Variants in AKT3 observed in about 807,000 individuals in gnomAD.
AKT3 encodes RAC-gamma serine/threonine-protein kinase.
AKT3 carries 15 observed loss-of-function variants against 65.3 expected under a neutral mutation model. The observed-to-expected ratio is 0.23, with a 90% CI of 0.15 to 0.35. The LOEUF (loss-of-function observed/expected upper bound fraction) is 0.35, where lower values mean the gene tolerates loss of function less well. AKT3 is among the 10% of genes least tolerant of loss of function. The pLI is 1.00. For synonymous variants in AKT3, 206 were observed against 183.8 expected (o/e 1.12, Z -0.98); for missense variants, 243 against 576.5 (o/e 0.42, Z 5.92).
chr1:243,613,098 C>CAT (rs1233182399), intron 8 of AKT3: 9 of 141,848 alleles, frequency 6.3e-5, no homozygotes, highest in African/African-American at 1.6e-4. Context: ...CACACACACA[C>CAT]ACATATATAC....
chr1:243,699,514 A>ATAT (rs1685304874), intron 2 of AKT3, among the ~76,000 whole-genome samples: 1 of 96,716 alleles, frequency 1.0e-5, no homozygotes, highest in African/African-American at 5.5e-5. Context: ...TATATATATA[A>ATAT]TCTTCATGGG....
intron 2 of AKT3, among the ~76,000 whole-genome samples, chr1:243,757,083 A>C (rs1689182805): frequency 6.6e-6 from 1 of 152,250 alleles, no homozygotes; most frequent in East Asian, 1.9e-4. Context: ...GAAGAGAGTA[A>C]AGAGCCCTGA....
chr1:243,735,591 G>A (rs1036361420), intron 2 of AKT3: 1 of 152,146 alleles, frequency 6.6e-6, no homozygotes, highest in African/African-American at 2.4e-5. Flanking sequence ...TTTTATTAGA[G>A]ACTACTGTAA....
intron 2 of AKT3, among the ~76,000 whole-genome samples, chr1:243,767,741 T>C (rs1022837240): frequency 5.9e-5 from 9 of 152,136 alleles, no homozygotes; most frequent in Non-Finnish European, 1.0e-4. Flanking sequence ...AGATTGGTCA[T>C]GAGTTGAAAA....
chr1:243,560,905 T>C (rs989009820), intron 10 of AKT3, among the ~76,000 whole-genome samples: 2 of 152,124 alleles, frequency 1.3e-5, no homozygotes, highest in African/African-American at 4.8e-5. Context: ...AAATATGGCA[T>C]ATCTTCTTCC....
Position 243,627,365 on chromosome 1 carries a change from G to T in AKT3, c.561+10246C>A, listed in dbSNP as rs116845838. 1.3e-4 allele frequency among the ~76,000 whole-genome samples: 19 copies of T among 151,552 alleles called. No individual in the cohort carries two copies. The East Asian group carries it at 2.9e-3, about 23-fold the overall frequency. On this transcript the variant is annotated intron_variant, in intron 6 of 13. Coordinates refer to ENST00000673466, the MANE Select transcript of AKT3 (RefSeq NM_005465.7). Reference sequence around the variant, plus strand: ...AAAAAGAGAGAGAGACATACTGATTGATCTTGAAAATACTTTTTTCTTGGT... The same window carrying T: ...AAAAAGAGAGAGAGACATACTGATTTATCTTGAAAATACTTTTTTCTTGGT...
chr1:243,609,343 T>C (rs1677690971), intron 8 of AKT3, among the ~76,000 whole-genome samples: 1 of 151,480 alleles, frequency 6.6e-6, no homozygotes, highest in East Asian at 1.9e-4. Context: ...TCTGTGTGTG[T>C]GTGTGTGTGT....
intron 2 of AKT3, among the ~76,000 whole-genome samples, chr1:243,826,522 A>G (rs1694178675): frequency 6.6e-6 from 1 of 152,190 alleles, no homozygotes; most frequent in South Asian, 2.1e-4. Flanking sequence ...TTGCATTCCT[A>G]ATATAAGGGA....
intron 8 of AKT3, among the ~76,000 whole-genome samples, chr1:243,604,762 G>A (rs2148583089): frequency 6.6e-6 from 1 of 152,154 alleles, no homozygotes; most frequent in Admixed American, 6.5e-5. Flanking sequence ...TATCTCCCCA[G>A]TAAGTCACTC....
chr1:243,577,572 A>G (rs1367891991), intron 8 of AKT3, among the ~76,000 whole-genome samples: 1 of 152,114 alleles, frequency 6.6e-6, no homozygotes, highest in Non-Finnish European at 1.5e-5. Context: ...CAAATGTAAA[A>G]CCCCAAACTA....
intron 2 of AKT3, among the ~76,000 whole-genome samples, chr1:243,832,814 T>G (rs953191449): frequency 1.3e-5 from 2 of 152,176 alleles, no homozygotes; most frequent in African/African-American, 4.8e-5. Context: ...TTGAAACATG[T>G]TAAGTATTAG....
intron 6 of AKT3, among the ~76,000 whole-genome samples, chr1:243,634,976 CTATTAAATA>C (rs1191705834): frequency 4.0e-5 from 6 of 151,854 alleles, no homozygotes; most frequent in African/African-American, 1.4e-4. Context: ...ACAAAATGCT[CTATTAAATA>C]TACACAAAAT....
chr1:243,732,623 GAACA>G (rs1441749125), intron 2 of AKT3, among the ~76,000 whole-genome samples: 1 of 152,064 alleles, frequency 6.6e-6, no homozygotes, highest in East Asian at 1.9e-4. Context: ...AAATACCAAT[GAACA>G]AACAACCAGC....
chr1:243,727,675 G>C (rs115540036), intron 2 of AKT3, among the ~76,000 whole-genome samples: 2,334 of 152,114 alleles, frequency 0.015, 36 homozygotes, highest in Non-Finnish European at 0.02. Flanking sequence ...ACAATAACTT[G>C]AGGTATTTAG....
chr1:243,611,045 T>C (rs879489474), intron 8 of AKT3, among the ~76,000 whole-genome samples: 9 of 152,242 alleles, frequency 5.9e-5, no homozygotes, highest in East Asian at 3.8e-4. Flanking sequence ...TTCTTAGAAA[T>C]GAAATTGCTG....
intron 3 of AKT3, among the ~76,000 whole-genome samples, chr1:243,671,162 C>A (rs1252324889): frequency 6.6e-6 from 1 of 151,158 alleles, no homozygotes; most frequent in Non-Finnish European, 1.5e-5. Context: ...CATGCAAGCT[C>A]CACCTCCCGG....
At chr1:243,815,289 A>C (rs1289007691) in intron 2 of AKT3, among the ~76,000 whole-genome samples, 1 of 152,162 alleles carries the variant, frequency 6.6e-6, no homozygotes, top group Non-Finnish European at 1.5e-5. Context: ...CCTTAGCTAG[A>C]TCACTTCATT....
At chr1:243,841,778 C>T (rs1409076933) in intron 2 of AKT3, among the ~76,000 whole-genome samples, 1 of 151,984 alleles carries the variant, frequency 6.6e-6, no homozygotes, top group Non-Finnish European at 1.5e-5. Context: ...CCCAAATGTC[C>T]AACAAGTGAT....
At position 243,500,352 on chromosome 1, in the gene AKT3, A is replaced by G; in HGVS notation, c.*4897T>C. On this transcript the variant is annotated 3_prime_UTR_variant, in exon 14 of 14. Coordinates refer to ENST00000673466, the MANE Select transcript of AKT3 (RefSeq NM_005465.7). ...GGAAGCACTATGCATTACTCTTTCC[A>G]TTCTGTTAAACAACGAAAACAGACA... 1 of 224,540 alleles carries G rather than the reference A, an allele frequency of 4.5e-6. No individual in the cohort carries two copies. The highest frequency in any genetic ancestry group is 8.8e-6 in the Non-Finnish European group (1 of 113,164). The allele number at this position is 224,540 out of a possible 1,614,324, so 13.9% of individuals were successfully genotyped here. A position where few individuals can be genotyped will look rare whatever the true frequency, so the allele number is the denominator to read the frequency against.
Sources: gnomAD v4.1 joint callset for allele counts (sites outside exome capture counted in the v4.1 genomes callset) on GRCh38, gnomAD v4.1.1 for gene constraint, MANE v1.5 for transcripts, NCBI Gene and HGNC (gene_info 2026-07-23, HGNC 2026-07-21) for gene names.